The following UCHL3 variants were observed in gnomAD, a reference collection of about 807,000 sequenced individuals.
UCHL3 encodes ubiquitin C-terminal hydrolase L3, also known as ubiquitin carboxyl-terminal hydrolase isozyme L3.
In UCHL3, 22 loss-of-function variants were observed where a neutral mutation model predicts 35.8. That is an observed-to-expected ratio of 0.61 (90% CI 0.44 to 0.88). The LOEUF (loss-of-function observed/expected upper bound fraction) is 0.88, where lower values mean the gene tolerates loss of function less well. UCHL3 is among the 40% of genes least tolerant of loss of function. The probability of loss-of-function intolerance (pLI) is 0.00; values close to 1 mark genes in which losing one functional copy is unlikely to be tolerated. For missense variants in UCHL3, 229 were observed against 276.9 expected (o/e 0.83, Z 1.23); for synonymous variants, 90 against 92.8 (o/e 0.97, Z 0.17).
At chr13:75,562,870 T>C (rs1189613794) in intron 3 of UCHL3, among the ~76,000 whole-genome samples, 2 of 152,220 alleles carry the variant, frequency 1.3e-5, no homozygotes, top group African/African-American at 2.4e-5. Flanking sequence ...ATAAATACTT[T>C]ACTTATATAA....
intron 2 of UCHL3, among the ~76,000 whole-genome samples, chr13:75,552,514 G>A (rs1175587428): frequency 1.3e-5 from 2 of 152,334 alleles, no homozygotes; most frequent in Non-Finnish European, 1.5e-5. Flanking sequence ...ATATGCAGAT[G>A]AGTATTAATT....
intron 6 of UCHL3, among the ~76,000 whole-genome samples, chr13:75,570,711 C>T (rs1593734156): frequency 6.6e-6 from 1 of 152,278 alleles, no homozygotes; most frequent in South Asian, 2.1e-4. Flanking sequence ...GAGTTTGAGA[C>T]CATCCTGGGC....
intron 6 of UCHL3, among the ~76,000 whole-genome samples, chr13:75,588,805 T>C (rs1298863624): frequency 2.0e-5 from 3 of 152,160 alleles, no homozygotes; most frequent in Admixed American, 1.3e-4. Flanking sequence ...ATTACCATTC[T>C]TTTTATTTCT....
At chr13:75,594,408 T>C (rs2032588305) in intron 6 of UCHL3, among the ~76,000 whole-genome samples, 1 of 152,242 alleles carries the variant, frequency 6.6e-6, no homozygotes, top group African/African-American at 2.4e-5. Flanking sequence ...AAAGACTGTT[T>C]ACACTGCACT....
In UCHL3 at chr13:75,549,868, C is replaced by A. The variant is rs749489510; in HGVS notation, c.42+6C>A. The A allele has an allele frequency of 1.9e-6, 3 of 1,609,316 alleles. No individual in the cohort carries two copies. The highest frequency in any genetic ancestry group is 2.5e-6 in the Non-Finnish European group (3 of 1,177,488). On this transcript the variant is annotated splice_donor_region_variant and intron_variant, in intron 1 of 8. Coordinates refer to ENST00000377595, the MANE Select transcript of UCHL3 (RefSeq NM_006002.5). ...CGCTGGAGGCCAATCCCGAGGTGGG[C>A]GCGCTTCGGGGCAGCCCTGGGCCGT...
rs2031712035 is a variant in UCHL3, at chr13:75,567,207, A to G, written c.341-20A>G. The G allele has an allele frequency of 6.2e-7, 1 of 1,608,678 alleles. No individual in the cohort carries two copies. The stretch of plus-strand genomic sequence containing the variant: ...TGCTGTATCAAGCCTTTTTAATTTT[A>G]TCTTCTTTCATATTCTCAGAATCTG... On this transcript the variant is annotated intron_variant, in intron 4 of 8. Coordinates refer to ENST00000377595, the MANE Select transcript of UCHL3 (RefSeq NM_006002.5).
intron 6 of UCHL3, among the ~76,000 whole-genome samples, chr13:75,579,588 C>G (rs897532747): frequency 3.3e-5 from 5 of 151,986 alleles, no homozygotes; most frequent in African/African-American, 4.8e-5. Flanking sequence ...TTTCCTCCCC[C>G]CTTCTTTCTT....
intron 6 of UCHL3, among the ~76,000 whole-genome samples, chr13:75,586,455 A>G (rs577415028): frequency 4.1e-5 from 4 of 97,090 alleles, no homozygotes; most frequent in Admixed American, 9.5e-5. Context: ...CAGAATCAAT[A>G]AAAAGATACA....
intron 6 of UCHL3, among the ~76,000 whole-genome samples, chr13:75,577,068 A>G (rs1472603242): frequency 6.6e-6 from 1 of 152,008 alleles, no homozygotes; most frequent in Non-Finnish European, 1.5e-5. Flanking sequence ...TGGGCAACAT[A>G]GTGAGACCCT....
At chr13:75,577,499 AG>A (rs1303869238) in intron 6 of UCHL3, among the ~76,000 whole-genome samples, 1 of 152,122 alleles carries the variant, frequency 6.6e-6, no homozygotes, top group Non-Finnish European at 1.5e-5. Context: ...TGGTGTCTTC[AG>A]GGGGGTCCTG....
At chr13:75,549,756 G>C (rs2031000910), upstream of UCHL3, 4 of 1,452,924 alleles carry the variant, frequency 2.8e-6, no homozygotes, top group Admixed American at 7.9e-5. Context: ...AGGCGCGCGT[G>C]GGCGGAAGCG....
intron 5 of UCHL3, among the ~76,000 whole-genome samples, chr13:75,568,821 G>C (rs756386031): frequency 1.3e-5 from 2 of 152,084 alleles, no homozygotes; most frequent in Non-Finnish European, 2.9e-5. Context: ...TAGTTTGCAT[G>C]TTTTTAAGGC....
chr13:75,561,069 C>T (rs2031477560), intron 3 of UCHL3, among the ~76,000 whole-genome samples, 188 bp downstream of exon 3: 1 of 152,046 alleles, frequency 6.6e-6, no homozygotes, highest in African/African-American at 2.4e-5. Flanking sequence ...TAGCTGGGAC[C>T]ACAGGCATGT....
intron 6 of UCHL3, among the ~76,000 whole-genome samples, chr13:75,586,384 AC>A (rs2032323049): frequency 6.6e-6 from 1 of 152,070 alleles, no homozygotes; most frequent in Admixed American, 6.6e-5. Flanking sequence ...TGAGGCAAAC[AC>A]TGTTAGAACT....
At chr13:75,569,157 A>T (rs1389495703) in intron 5 of UCHL3, 4 of 232,018 alleles carry the variant, frequency 1.7e-5, no homozygotes, top group Non-Finnish European at 3.3e-5. Flanking sequence ...AATTGAATAA[A>T]GTGTTAAGTG....
chr13:75,578,069 A>G (rs2032077238), intron 6 of UCHL3, among the ~76,000 whole-genome samples: 1 of 152,186 alleles, frequency 6.6e-6, no homozygotes, highest in South Asian at 2.1e-4. Context: ...CACTTTTTGC[A>G]TCTATGTATA....
At chr13:75,567,925 C>T (rs1292312783) in intron 5 of UCHL3, among the ~76,000 whole-genome samples, 1 of 152,042 alleles carries the variant, frequency 6.6e-6, no homozygotes, top group East Asian at 1.9e-4. Context: ...AAATATATAC[C>T]TGCCAGTACC....
At chr13:75,561,773 A>C (rs28498482) in intron 3 of UCHL3, among the ~76,000 whole-genome samples, 1 of 150,186 alleles carries the variant, frequency 6.7e-6, no homozygotes, top group African/African-American at 2.4e-5. Flanking sequence ...ATATATGTGT[A>C]TGTTTCTGTG....
chr13:75,551,257 C>T (rs573421322), intron 2 of UCHL3, among the ~76,000 whole-genome samples: 1 of 152,040 alleles, frequency 6.6e-6, no homozygotes, highest in South Asian at 2.1e-4. Flanking sequence ...CTGGTGAAAC[C>T]CCGTCTCTGC....
Sources: allele counts gnomAD v4.1 joint callset (sites outside exome capture counted in the v4.1 genomes callset), GRCh38; gene constraint gnomAD v4.1.1; transcripts MANE v1.5; gene names NCBI Gene and HGNC (gene_info 2026-07-23, HGNC 2026-07-21).